SPEF1: variants seen among roughly 807,000 people sequenced by gnomAD.
SPEF1 encodes sperm flagellar and cilia associated 1.
In SPEF1, 30 loss-of-function variants were observed where a neutral mutation model predicts 31.8. That is an observed-to-expected ratio of 0.94 (90% CI 0.70 to 1.28). The LOEUF (loss-of-function observed/expected upper bound fraction) is 1.28, where lower values mean the gene tolerates loss of function less well. Ranked by LOEUF, SPEF1 falls within the 50% of genes most tolerant of loss-of-function variation. The pLI, the probability that SPEF1 is intolerant of heterozygous loss-of-function variation, is 0.00. For missense variants in SPEF1, 298 were observed against 309.6 expected (o/e 0.96, Z 0.28); for synonymous variants, 126 against 130.1 (o/e 0.97, Z 0.21).
rs768917378 is a variant in SPEF1 at position 3,779,789 on chromosome 20, G to A, written c.110-14C>T. On this transcript the variant is annotated splice_polypyrimidine_tract_variant and intron_variant, in intron 1 of 6. Coordinates refer to ENST00000379756, the MANE Select transcript of SPEF1 (RefSeq NM_015417.5). ...CTGCAACAAGGACTGAGGGAGAGGG[G>A]AGCAGACATGGAAAGTGGGGGCATG... 28 of 1,470,952 alleles carry A rather than the reference G, an allele frequency of 1.9e-5. No individual in the cohort carries two copies. In the Middle Eastern group the frequency reaches 5.3e-4, roughly 28 times the overall value. 91.1% of individuals were successfully genotyped at this position (1,470,952 alleles called of 1,614,324 possible).
Position 3,778,984 on chromosome 20 carries a change from C to A in SPEF1, c.385G>T (p.Ala129Ser), listed in dbSNP as rs1345201848. 6.2e-7 allele frequency: 1 copy of A among 1,614,180 alleles called. No individual in the cohort carries two copies. Among genetic ancestry groups the A allele is most frequent in the Non-Finnish European group, 8.5e-7 (1 of 1,180,016 alleles). ...ATGTAGCCACTGCCATCCTGGGGAG[C>A]CAGCTCCTGAAAGAACCCCGGGGGT... ...KQGAGSLQEL[A>S]PQDGSGYMDV... Residue 129 changes from alanine to serine, a missense_variant, in exon 4 of 7, where the codon GCT becomes TCT. Transcript: ENST00000379756.
Position 3,779,578 on chromosome 20 carries a change from A to G in SPEF1, c.221+86T>C. 4 of 1,044,670 alleles carry G rather than the reference A, an allele frequency of 3.8e-6. No homozygotes were observed. In the Middle Eastern group the frequency reaches 1.0e-3, roughly 268 times the overall value. 64.7% of individuals were successfully genotyped at this position (1,044,670 alleles called of 1,614,324 possible). On this transcript the variant is annotated intron_variant, in intron 2 of 6. Transcript: ENST00000379756. ...AATCGGACGAATTCTGTCTGCGTTG[A>G]CCCTCCCCACCCTGCCACCAAAACA...
rs1271910664 is a variant in SPEF1, at chr20:3,777,853, G to GC, written c.*358dup. On this transcript the variant is annotated 3_prime_UTR_variant, in exon 7 of 7. Transcript: ENST00000379756. The surrounding 1 kb of genome is among the most constrained non-coding windows in gnomAD (Gnocchi z 4.1). ...GGGGTGTGGACAGAGCCAAGGGACC[G>GC]CCCCCCAAGGCCCAGCGCCGGGAGA... 9.7e-6 allele frequency: 2 copies of GC among 206,020 alleles called. No individual in the cohort carries two copies. The highest frequency in any genetic ancestry group is 2.3e-5 in the African/African-American group (1 of 42,644). 12.8% of individuals were successfully genotyped at this position (206,020 alleles called of 1,614,324 possible).
chr20:3,778,011 C>T lies in SPEF1; in HGVS notation c.*201G>A, dbSNP rs2146634563. The T allele has an allele frequency of 3.6e-6, 2 of 553,948 alleles. No homozygotes were observed. Among genetic ancestry groups the T allele is most frequent in the East Asian group, 3.0e-5 (1 of 32,792 alleles). The allele number at this position is 553,948 out of a possible 1,614,324, so 34.3% of individuals were successfully genotyped here. ...CGGAGTGGTAGGAGGCGGCTCAGTC[C>T]CGGGCCTGCGCTCCTAGAGTTCCTG... On this transcript the variant is annotated 3_prime_UTR_variant, in exon 7 of 7. Transcript: ENST00000379756.
rs1232661293 is a variant in SPEF1, at chr20:3,781,276, G to C, written c.12C>G (p.Ser4Arg). ...GCTGGTGCAGCGCCTCCTCGTCCAC[G>C]CTGCTCGCCATTGGCGTCCTCACGG... MAS[S>R]VDEEALHQLY... The change falls in exon 1 of 7, where the codon AGC (serine) becomes AGG (arginine). Residue 4 changes from serine to arginine, a missense_variant. Coordinates refer to ENST00000379756, the MANE Select transcript of SPEF1 (RefSeq NM_015417.5). 9 of 1,613,816 alleles carry C rather than the reference G, an allele frequency of 5.6e-6. No individual in the cohort carries two copies. In the African/African-American group the frequency reaches 1.2e-4, roughly 22 times the overall value.
intron 1 of SPEF1, among the ~76,000 whole-genome samples, chr20:3,780,710 G>A (rs559760964): frequency 2.0e-5 from 3 of 152,212 alleles, no homozygotes; most frequent in African/African-American, 7.2e-5. Context: ...AAGTATTTCT[G>A]TCATTGAGAT....
In SPEF1 at chr20:3,777,958, A is replaced by G. The variant is rs1001508296; in HGVS notation, c.*254T>C. The G allele has an allele frequency of 1.5e-5, 7 of 470,442 alleles. No individual in the cohort carries two copies. Among genetic ancestry groups the G allele is most frequent in the African/African-American group, 1.2e-4 (6 of 48,832 alleles). 29.1% of individuals were successfully genotyped at this position (470,442 alleles called of 1,614,324 possible). A position where few individuals can be genotyped will look rare whatever the true frequency, so the allele number is the denominator to read the frequency against. On this transcript the variant is annotated 3_prime_UTR_variant, in exon 7 of 7. Coordinates refer to ENST00000379756, the MANE Select transcript of SPEF1 (RefSeq NM_015417.5). The surrounding 1 kb of genome is among the most constrained non-coding windows in gnomAD (Gnocchi z 4.1). ...TGCACGTGGCTTCTGGGCTCTGGAA[A>G]GCGGTCCATTCTCCTGACCCGGATC... is the stretch of plus-strand genomic sequence containing the variant.
In SPEF1 at chr20:3,781,394, T is replaced by C. The variant is rs1012468086; in HGVS notation, c.-107A>G. On this transcript the variant is annotated 5_prime_UTR_variant, in exon 1 of 7. Coordinates refer to ENST00000379756, the MANE Select transcript of SPEF1 (RefSeq NM_015417.5). ...CACTGCAGAAGCCCATAACTGCCTC[T>C]GCCTGCCTAATCCAGAGACTCACGT... 3.4e-6 allele frequency: 5 copies of C among 1,468,604 alleles called. No homozygotes were observed. The highest frequency in any genetic ancestry group is 2.3e-5 in the Admixed American group (1 of 42,644). The allele number at this position is 1,468,604 out of a possible 1,614,324, so 91.0% of individuals were successfully genotyped here.
Position 3,778,303 on chromosome 20 carries a change from A to T in SPEF1, c.620T>A (p.Val207Glu). 6.2e-7 allele frequency: 1 copy of T among 1,612,534 alleles called. No individual in the cohort carries two copies. The highest frequency in any genetic ancestry group is 1.3e-5 in the African/African-American group (1 of 74,964). ...CTGGAGCAGGTGCTCCAGGCGCCTTACCTTCATCTGCAGGACCTAAGCCGC... is the reference window on the plus strand; with the variant it reads ...CTGGAGCAGGTGCTCCAGGCGCCTTTCCTTCATCTGCAGGACCTAAGCCGC... ...QETVQVLQMKVRRLEHLLQLK... is the reference protein window; with the variant it reads ...QETVQVLQMKERRLEHLLQLK... The change falls in exon 7 of 7, where the codon GTA becomes GAA. Residue 207 changes from valine to glutamate, a missense_variant. Physicochemically the swap from Val to Glu is moderately radical, Grantham distance 121 (BLOSUM62 -2). Transcript: ENST00000379756.
chr20:3,779,820 G>A (rs6052073), intron 1 of SPEF1, 45 bp from the exon 2 acceptor site: 7 of 961,582 alleles, frequency 7.3e-6, no homozygotes, highest in Non-Finnish European at 9.8e-6. Context: ...GCATGGGTAA[G>A]GAAGGAGGAG....
chr20:3,779,325 T>C lies in SPEF1; in HGVS notation c.249A>G (p.Ser83=), dbSNP rs760419218. The C allele has an allele frequency of 1.2e-6, 2 of 1,600,166 alleles. No individual in the cohort carries two copies. Among genetic ancestry groups the C allele is most frequent in the Non-Finnish European group, 1.7e-6 (2 of 1,171,368 alleles). ...TCTTGCGCATCACGTCATCCGGTAC[T>C]GAAAAGTTCAGCCTCTTCAGTACCT... ...NRKVLKRLNF[S]VPDDVMRKIA... The change falls in exon 3 of 7, where the codon TCA becomes TCG. Residue 83 remains serine (S), a synonymous_variant. Coordinates refer to ENST00000379756, the MANE Select transcript of SPEF1 (RefSeq NM_015417.5).
chr20:3,778,286 G>A lies in SPEF1; in HGVS notation c.637C>T (p.Leu213=), dbSNP rs2146634767. ...ATCCGCACATTCTTGAGCTGGAGCA[G>A]GTGCTCCAGGCGCCTTACCTTCATC... ...LQMKVRRLEH[L]LQLKNVRIED... Residue 213 remains leucine, a synonymous_variant, in exon 7 of 7, where the codon CTG becomes TTG. Coordinates refer to ENST00000379756, the MANE Select transcript of SPEF1 (RefSeq NM_015417.5). 1.2e-6 allele frequency: 2 copies of A among 1,612,572 alleles called. No homozygotes were observed. The highest frequency in any genetic ancestry group is 1.7e-6 in the Non-Finnish European group (2 of 1,179,064).
At position 3,778,734 on chromosome 20, in the gene SPEF1, C is replaced by T. The variant is rs769073609; in HGVS notation, c.479+12G>A. On this transcript the variant is annotated intron_variant, in intron 5 of 6. Coordinates refer to ENST00000379756, the MANE Select transcript of SPEF1 (RefSeq NM_015417.5). ...CCAGCCTGGTGAAGTCTGGAACTCC[C>T]AGCTTCTTTACCTGAGCTGACCCCC... The T allele has an allele frequency of 1.9e-6, 3 of 1,613,322 alleles. No homozygotes were observed. The highest frequency in any genetic ancestry group is 1.7e-5 in the Admixed American group (1 of 59,964).
chr20:3,778,903 A>G, intron 4 of SPEF1, 48 bp downstream of exon 4: 1 of 1,613,348 alleles, frequency 6.2e-7, no homozygotes, highest in Non-Finnish European at 8.5e-7. Flanking sequence ...GAAGAAGGAC[A>G]GAAGGAAAGC....
At chr20:3,779,162 CA>C (rs1268555711) in intron 3 of SPEF1, 33 bp downstream of exon 3, 1 of 1,551,150 alleles carries the variant, frequency 6.4e-7, no homozygotes, top group Non-Finnish European at 8.7e-7. Context: ...ACCCAGCCCC[CA>C]GAGCAGTGGG....
chr20:3,779,233 C>G lies in SPEF1; in HGVS notation c.341G>C (p.Arg114Thr). 1 of 1,587,306 alleles carries G rather than the reference C, an allele frequency of 6.3e-7. No homozygotes were observed. The highest frequency in any genetic ancestry group is 1.1e-5 in the South Asian group (1 of 87,884). ...GGCGCCCTGCTTCCTGCGCCTCTGC[C>G]TCTCCTCCAGGCGCTGCCTCAGCGG... ...LIPLRQRLEE[R>T]QRRRKQGAGS... Residue 114 changes from arginine (R) to threonine (T), a missense_variant, in exon 3 of 7, where the codon AGG becomes ACG. By Grantham distance (71) the Arg-to-Thr change is moderately conservative. Transcript: ENST00000379756.
intron 1 of SPEF1, among the ~76,000 whole-genome samples, chr20:3,780,021 A>C (rs2088770476): frequency 6.6e-6 from 1 of 152,054 alleles, no homozygotes; most frequent in African/African-American, 2.4e-5. Flanking sequence ...AGGAATGGGA[A>C]TACTGAGTCT....
chr20:3,779,473 C>A, intron 2 of SPEF1, 121 bp from the exon 3 acceptor site: 1 of 949,276 alleles, frequency 1.1e-6, no homozygotes, highest in Non-Finnish European at 1.6e-6. Flanking sequence ...GGAGTGAAAG[C>A]GCATCGCATC....
rs1257615108 is a variant in SPEF1 at position 3,778,053 on chromosome 20, G to A, written c.*159C>T. 8.4e-6 allele frequency: 5 copies of A among 592,406 alleles called. No homozygotes were observed. The East Asian group carries it at 1.5e-4, about 17-fold the overall frequency. The allele number at this position is 592,406 out of a possible 1,614,324, so 36.7% of individuals were successfully genotyped here. On this transcript the variant is annotated 3_prime_UTR_variant, in exon 7 of 7. Transcript: ENST00000379756. ...GAGTTCCTGTCCCATCTCCTCCCAC[G>A]CTCACCCATCCCAAGGAAGGAGGGC...
Sources: gnomAD v4.1 joint callset for allele counts (sites outside exome capture counted in the v4.1 genomes callset) on GRCh38, gnomAD v4.1.1 for gene constraint, Gnocchi (gnomAD v3.1) non-coding constraint, MANE v1.5 for transcripts, NCBI Gene and HGNC (gene_info 2026-07-23, HGNC 2026-07-21) for gene names.